FMNL2: variants seen among roughly 807,000 people sequenced by gnomAD.
FMNL2 encodes formin-like protein 2.
Under a neutral mutation model 130.2 loss-of-function variants are expected in FMNL2, and 51 were observed. The ratio of observed to expected loss-of-function variants is 0.39; its 90% CI spans 0.31 to 0.49. FMNL2 has a LOEUF of 0.49. FMNL2 is among the 20% of genes least tolerant of loss of function. The pLI, the probability that FMNL2 is intolerant of heterozygous loss-of-function variation, is 0.85. For synonymous variants in FMNL2, 465 were observed against 467.1 expected, an observed-to-expected ratio of 1.00 and a Z score of 0.06; for missense variants, 977 against 1,316.2, an observed-to-expected ratio of 0.74 and a Z score of 3.99.
At chr2:152,641,897 A>C (rs932363736) in intron 25 of FMNL2, among the ~76,000 whole-genome samples, 1 of 152,064 alleles carries the variant, frequency 6.6e-6, no homozygotes, top group African/African-American at 2.4e-5. Flanking sequence ...ACATTTCCCC[A>C]ACTGTCCTGA....
chr2:152,389,047 T>G (rs1279542149), intron 1 of FMNL2, among the ~76,000 whole-genome samples: 3 of 116,062 alleles, frequency 2.6e-5, no homozygotes, highest in Admixed American at 2.5e-4. Flanking sequence ...TTGGTTGAAA[T>G]CTAAATGCTG....
intron 1 of FMNL2, among the ~76,000 whole-genome samples, chr2:152,509,322 TATA>T (rs1692354836): frequency 6.6e-6 from 1 of 152,220 alleles, no homozygotes; most frequent in African/African-American, 2.4e-5. Context: ...TATTTAATGT[TATA>T]GTTGTTGTGC....
At chr2:152,410,761 G>A (rs942603182) in intron 1 of FMNL2, among the ~76,000 whole-genome samples, 1 of 152,074 alleles carries the variant, frequency 6.6e-6, no homozygotes, top group African/African-American at 2.4e-5. Context: ...TATTCTTCTG[G>A]GTAAAAAAGT....
chr2:152,477,221 C>T (rs1690203413), intron 1 of FMNL2, among the ~76,000 whole-genome samples: 1 of 152,170 alleles, frequency 6.6e-6, no homozygotes, highest in Admixed American at 6.5e-5. Flanking sequence ...CAGTAAGCCA[C>T]AGCAGACAGC....
At chr2:152,583,750 T>C (rs1413985643) in intron 9 of FMNL2, among the ~76,000 whole-genome samples, 5 of 152,162 alleles carry the variant, frequency 3.3e-5, no homozygotes. Context: ...CCACACCCTG[T>C]TTTTCAGGGT....
At position 152,647,796 on chromosome 2, in the gene FMNL2, A is replaced by G; in HGVS notation, c.3170A>G (p.Asp1057Gly). ...CTCACTGGCACTCTCCCCTTTACAG[A>G]TCTTAGAAACCAACCATACAGACGA... is the stretch of plus-strand genomic sequence containing the variant. ...KDGAIEDIIT[D>G]LRNQPYRRAD... The change falls in exon 26 of 26, where the codon GAT becomes GGT. Residue 1057 changes from aspartate to glycine, a missense_variant and splice_region_variant. Physicochemically the swap from Asp to Gly is moderately conservative, Grantham distance 94. Coordinates refer to ENST00000288670, the MANE Select transcript of FMNL2 (RefSeq NM_052905.4). 2 of 1,613,848 alleles carry G rather than the reference A, an allele frequency of 1.2e-6. No homozygotes were observed. Among genetic ancestry groups the G allele is most frequent in the Non-Finnish European group, 1.7e-6 (2 of 1,179,826 alleles).
In FMNL2 at chr2:152,561,028, G is replaced by T. The variant is rs765720612; in HGVS notation, c.589G>T (p.Ala197Ser). 1 of 1,594,848 alleles carries T rather than the reference G, an allele frequency of 6.3e-7. No individual in the cohort carries two copies. Among genetic ancestry groups the T allele is most frequent in the Admixed American group, 1.7e-5 (1 of 57,244 alleles). Residue 197 changes from alanine (A) to serine (S), a missense_variant, in exon 6 of 26, where the codon GCA (alanine) becomes TCA (serine). Ala to Ser is a moderately conservative substitution (Grantham distance 99). This residue lies in a region of FMNL2 where 689 missense variants were observed against 995.9 expected (regional missense o/e 0.69). Coordinates refer to ENST00000288670, the MANE Select transcript of FMNL2 (RefSeq NM_052905.4). ...NSVSRSGRHS[A>S]LRYNTLPSRR... Reference sequence around the variant, plus strand: ...TGTCTCCCGCTCTGGAAGACATTCTGCACTGCGGTGAGTTCGTTTAATCAG... The same window carrying T: ...TGTCTCCCGCTCTGGAAGACATTCTTCACTGCGGTGAGTTCGTTTAATCAG...
chr2:152,568,726 T>C (rs971040734), intron 6 of FMNL2, among the ~76,000 whole-genome samples: 3 of 152,100 alleles, frequency 2.0e-5, no homozygotes, highest in Non-Finnish European at 4.4e-5. Flanking sequence ...AAATGCCTCT[T>C]ATGAAACCAT....
At chr2:152,621,239 C>G in intron 15 of FMNL2, 2 of 706,806 alleles carry the variant, frequency 2.8e-6, no homozygotes, top group Non-Finnish European at 3.5e-6. Flanking sequence ...CTCTGACAAA[C>G]GCTGATGTGT....
intron 1 of FMNL2, among the ~76,000 whole-genome samples, chr2:152,430,834 C>T (rs1467097319): frequency 6.6e-6 from 1 of 152,130 alleles, no homozygotes; most frequent in East Asian, 1.9e-4. Flanking sequence ...GATCATGCCA[C>T]TGCACTCCAG....
At chr2:152,481,035 T>A (rs1385920239) in intron 1 of FMNL2, among the ~76,000 whole-genome samples, 1 of 152,244 alleles carries the variant, frequency 6.6e-6, no homozygotes, top group Non-Finnish European at 1.5e-5. Context: ...CCCATCTTAG[T>A]CTGCAGATTT....
At chr2:152,639,835 T>TCCG in intron 23 of FMNL2, 123 bp from the exon 24 acceptor site, 1 of 794,876 alleles carries the variant, frequency 1.3e-6, no homozygotes, top group Non-Finnish European at 2.0e-6. Flanking sequence ...AGTGTAGATC[T>TCCG]TCTCAACCTT....
intron 1 of FMNL2, among the ~76,000 whole-genome samples, chr2:152,403,174 T>G (rs1280437673): frequency 6.6e-6 from 1 of 151,866 alleles, no homozygotes; most frequent in East Asian, 1.9e-4. Flanking sequence ...ATGCTGATCC[T>G]TATCACTTGG....
intron 1 of FMNL2, among the ~76,000 whole-genome samples, chr2:152,348,785 A>G (rs1195551791): frequency 7.2e-6 from 1 of 138,042 alleles, no homozygotes; most frequent in Non-Finnish European, 1.5e-5. Context: ...CTGTTTGCAG[A>G]GTGCTCTCCA....
At chr2:152,521,729 G>A (rs907389191) in intron 1 of FMNL2, among the ~76,000 whole-genome samples, 6 of 152,128 alleles carry the variant, frequency 3.9e-5, no homozygotes, top group African/African-American at 1.4e-4. Context: ...CATCTCACAT[G>A]TCCCACCATA....
At position 152,424,640 on chromosome 2, in the gene FMNL2, C is replaced by T. The variant is rs536752234; in HGVS notation, c.117+88920C>T. Among the ~76,000 whole-genome samples, 5 of 152,170 alleles carry T rather than the reference C, an allele frequency of 3.3e-5. No individual in the cohort carries two copies. In the East Asian group the frequency reaches 5.8e-4, roughly 18 times the overall value. On this transcript the variant is annotated intron_variant, in intron 1 of 25. Coordinates refer to ENST00000288670, the MANE Select transcript of FMNL2 (RefSeq NM_052905.4). ...TCCTGACCTTGTGATTCGCCCATCT[C>T]GGCCTCCCAAAGTGCTGGGATTACA... is the stretch of plus-strand genomic sequence containing the variant.
Position 152,376,432 on chromosome 2 carries a change from C to T in FMNL2, c.117+40712C>T, listed in dbSNP as rs759612202. On this transcript the variant is annotated intron_variant, in intron 1 of 25. Coordinates refer to ENST00000288670, the MANE Select transcript of FMNL2 (RefSeq NM_052905.4). ...GAACACTGCATGTACCTATAATACTCTTGGAGGAGAGGAGGATTCCTCTGA... is the reference window on the plus strand; with the variant it reads ...GAACACTGCATGTACCTATAATACTTTTGGAGGAGAGGAGGATTCCTCTGA... 4.7e-4 allele frequency among the ~76,000 whole-genome samples: 72 copies of T among 152,284 alleles called. 1 individual carries two copies. The highest frequency in any genetic ancestry group is 1.0e-3 in the Non-Finnish European group (69 of 68,028).
Position 152,390,308 on chromosome 2 carries a change from C to T in FMNL2, c.117+54588C>T, listed in dbSNP as rs1685040336. ...CAGCAATCATCGATGGGGAGCTCTA[C>T]AACGAAGTGAAGGTAGGGGAGAGCT... On this transcript the variant is annotated intron_variant, in intron 1 of 25. Transcript: ENST00000288670. 8 of 1,276,242 alleles carry T rather than the reference C, an allele frequency of 6.3e-6. No homozygotes were observed. In the South Asian group the frequency reaches 9.5e-5, roughly 15 times the overall value. 79.1% of individuals were successfully genotyped at this position (1,276,242 alleles called of 1,614,324 possible). A position where few individuals can be genotyped will look rare whatever the true frequency, so the allele number is the denominator to read the frequency against.
At chr2:152,347,636 T>C (rs1682204293) in intron 1 of FMNL2, among the ~76,000 whole-genome samples, 1 of 152,238 alleles carries the variant, frequency 6.6e-6, no homozygotes, top group African/African-American at 2.4e-5. Flanking sequence ...CCTTCTCAAG[T>C]GTAAGTTCTG....
Sources: gnomAD v4.1 joint callset for allele counts (sites outside exome capture counted in the v4.1 genomes callset) on GRCh38, gnomAD v4.1.1 for gene constraint, gnomAD v4.1.1 regional missense constraint, MANE v1.5 for transcripts, NCBI Gene and HGNC (gene_info 2026-07-23, HGNC 2026-07-21) for gene names.